EYS: variants seen among roughly 807,000 people sequenced by gnomAD.
EYS encodes the protein protein eyes shut homolog.
A neutral mutation model predicts 282.1 loss-of-function variants in EYS; 250 were observed. The ratio of observed to expected loss-of-function variants is 0.89; its 90% CI spans 0.80 to 0.98. The LOEUF (loss-of-function observed/expected upper bound fraction) is 0.98. Ranked by LOEUF, EYS falls within the 50% of genes least tolerant of loss-of-function variation. The probability of loss-of-function intolerance (pLI) is 0.00; values close to 1 mark genes in which losing one functional copy is unlikely to be tolerated. For missense variants in EYS, 4,016 were observed against 3,709.0 expected (o/e 1.08, Z -2.15); for synonymous variants, 1,355 against 1,282.9 (o/e 1.06, Z -1.20).
intron 19 of EYS, among the ~76,000 whole-genome samples, chr6:64,826,734 G>GT (rs202012329): frequency 8.2e-5 from 12 of 147,206 alleles, no homozygotes; most frequent in Admixed American, 2.1e-4. Context: ...TTCAGACTGT[G>GT]TTTTTTTTTC....
chr6:64,579,277 A>G (rs1487547831), intron 26 of EYS, among the ~76,000 whole-genome samples: 5 of 152,164 alleles, frequency 3.3e-5, no homozygotes, highest in Non-Finnish European at 7.4e-5. Flanking sequence ...CCTGAAGGAC[A>G]AAAATGATAA....
chr6:65,177,873 T>G (rs1765266263), intron 12 of EYS, among the ~76,000 whole-genome samples: 1 of 151,940 alleles, frequency 6.6e-6, no homozygotes, highest in African/African-American at 2.4e-5. Context: ...CAGAGACGTT[T>G]TAGCAATGTA....
rs1236470643 is a variant in EYS, at chr6:65,256,273, T to C, written c.2023+39590A>G. On this transcript the variant is annotated intron_variant, in intron 12 of 42. Transcript: ENST00000503581. ...AGAAAGACAAACTTCTTTTTTTTTT[T>C]CTTTTTTTTTTTTAATTAAAGTTTT... Among the ~76,000 whole-genome samples, 386 of 139,664 alleles carry C rather than the reference T, an allele frequency of 2.8e-3. 4 individuals carry two copies. The highest frequency in any genetic ancestry group is 0.011 in the Middle Eastern group (3 of 278). The allele number at this position is 139,664 out of a possible 152,430, so 91.6% of individuals were successfully genotyped here. A position where few individuals can be genotyped will look rare whatever the true frequency, so the allele number is the denominator to read the frequency against.
intron 19 of EYS, among the ~76,000 whole-genome samples, chr6:64,829,919 A>C (rs1765166779): frequency 6.6e-6 from 1 of 151,936 alleles, no homozygotes; most frequent in Non-Finnish European, 1.5e-5. Context: ...TGCGCTAGAG[A>C]ATACCACTAG....
chr6:64,787,549 G>A (rs1279310298), intron 22 of EYS, among the ~76,000 whole-genome samples: 2 of 151,038 alleles, frequency 1.3e-5, no homozygotes, highest in Non-Finnish European at 2.9e-5. Context: ...ATTGTTTCCA[G>A]GCCTTTGTTG....
intron 12 of EYS, among the ~76,000 whole-genome samples, chr6:65,064,132 A>T: frequency 6.9e-6 from 1 of 145,100 alleles, no homozygotes; most frequent in East Asian, 2.0e-4. Flanking sequence ...TATATATTGC[A>T]TATTATAAGT....
intron 13 of EYS, among the ~76,000 whole-genome samples, chr6:65,009,220 C>G (rs1417827739): frequency 6.6e-6 from 1 of 152,036 alleles, no homozygotes; most frequent in African/African-American, 2.4e-5. Flanking sequence ...AAAGGCAGTA[C>G]CCCCTTAGAC....
chr6:64,972,482 C>T (rs894307517), intron 14 of EYS, among the ~76,000 whole-genome samples: 3 of 152,086 alleles, frequency 2.0e-5, no homozygotes, highest in Non-Finnish European at 4.4e-5. Flanking sequence ...CCAATCCCTC[C>T]TGTTCCTCCT....
At position 63,984,365 on chromosome 6, in the gene EYS, CAGGAG is replaced by C; in HGVS notation, c.7055+13_7055+17del. ...GAGTCATGTAACGTAGGTTGGGAAT[CAGGAG>C]ACTAATACTGACCTGATGCAGGTGC... is the stretch of plus-strand genomic sequence containing the variant. On this transcript the variant is annotated intron_variant, in intron 35 of 42. Transcript: ENST00000503581. 6.6e-7 allele frequency: 1 copy of C among 1,514,592 alleles called. No individual in the cohort carries two copies. Among genetic ancestry groups the C allele is most frequent in the Non-Finnish European group, 9.0e-7 (1 of 1,114,146 alleles). The allele number at this position is 1,514,592 out of a possible 1,614,324, so 93.8% of individuals were successfully genotyped here.
rs533544620 is a variant in EYS at position 64,113,335 on chromosome 6, T to A, written c.6425-31333A>T. On this transcript the variant is annotated intron_variant, in intron 31 of 42. Transcript: ENST00000503581. ...GTGATACTGGCGTTTGAATCTCAGA[T>A]CTGTTATATGATAGCTGTGGTTGAA... Among the ~76,000 whole-genome samples the A allele has an allele frequency of 1.4e-4, 21 of 152,274 alleles. No individual in the cohort carries two copies. In the South Asian group the frequency reaches 4.4e-3, roughly 32 times the overall value.
At chr6:64,673,545 T>C (rs924549169) in intron 22 of EYS, among the ~76,000 whole-genome samples, 2 of 152,110 alleles carry the variant, frequency 1.3e-5, no homozygotes, top group African/African-American at 4.8e-5. Context: ...TGTCTAGTTA[T>C]TTTGCCTCTA....
chr6:64,315,031 G>T (rs1447443582), intron 29 of EYS, among the ~76,000 whole-genome samples: 2 of 151,924 alleles, frequency 1.3e-5, no homozygotes, highest in Non-Finnish European at 2.9e-5. Context: ...CCACCAGCCA[G>T]ACTGATAAAG....
At chr6:65,573,132 T>C (rs547465954) in intron 2 of EYS, among the ~76,000 whole-genome samples, 2 of 152,234 alleles carry the variant, frequency 1.3e-5, no homozygotes, top group Admixed American at 1.3e-4. Flanking sequence ...GGAGTGGGCA[T>C]AGCAGCTCTC....
At chr6:65,338,147 G>A (rs1327211032) in intron 10 of EYS, among the ~76,000 whole-genome samples, 1 of 151,096 alleles carries the variant, frequency 6.6e-6, no homozygotes, top group Non-Finnish European at 1.5e-5. Context: ...ATTTTATGCT[G>A]CAGTTATGTA....
At chr6:64,377,917 C>T (rs1772614812) in intron 29 of EYS, 2 of 152,212 alleles carry the variant, frequency 1.3e-5, no homozygotes, top group East Asian at 3.9e-4. Context: ...TCAATTTCCT[C>T]AGCTGTAAAA....
intron 12 of EYS, among the ~76,000 whole-genome samples, chr6:65,192,059 G>T (rs758665073): frequency 2.0e-5 from 3 of 151,564 alleles, no homozygotes; most frequent in Non-Finnish European, 4.4e-5. Context: ...GAAAGAAAAA[G>T]ATTAAATATA....
chr6:63,908,921 A>G (rs1773850219), intron 35 of EYS, among the ~76,000 whole-genome samples: 1 of 152,184 alleles, frequency 6.6e-6, no homozygotes. Flanking sequence ...ATAATTTGCT[A>G]CTAAACCTAA....
At chr6:63,909,803 T>C (rs994660789) in intron 35 of EYS, among the ~76,000 whole-genome samples, 13 of 152,188 alleles carry the variant, frequency 8.5e-5, no homozygotes, top group African/African-American at 2.9e-4. Flanking sequence ...TGGTAGAAGG[T>C]GTCATCTGGA....
At chr6:65,252,021 A>G (rs1767338425) in intron 12 of EYS, among the ~76,000 whole-genome samples, 1 of 151,958 alleles carries the variant, frequency 6.6e-6, no homozygotes, top group East Asian at 1.9e-4. Context: ...TGTTTGCTAC[A>G]GTCATTTTTC....
Sources: gnomAD v4.1 joint callset for allele counts (sites outside exome capture counted in the v4.1 genomes callset) on GRCh38, gnomAD v4.1.1 for gene constraint, MANE v1.5 for transcripts, NCBI Gene and HGNC (gene_info 2026-07-23, HGNC 2026-07-21) for gene names.